NEK11: variants seen among roughly 807,000 people sequenced by gnomAD.
The protein encoded by NEK11 is serine/threonine-protein kinase Nek11.
A neutral mutation model predicts 80.7 loss-of-function variants in NEK11; 72 were observed. The ratio of observed to expected loss-of-function variants is 0.89; its 90% CI spans 0.74 to 1.08. The LOEUF (loss-of-function observed/expected upper bound fraction) is 1.08. Among genes scored for constraint, NEK11 ranks in the 50% least tolerant of loss-of-function variants. The pLI is 0.00. For missense variants in NEK11, 764 were observed against 763.6 expected, an observed-to-expected ratio of 1.00 and a Z score of -0.01; for synonymous variants, 251 against 260.7, an observed-to-expected ratio of 0.96 and a Z score of 0.36.
At position 131,137,731 on chromosome 3, in the gene NEK11, A is replaced by T. The variant is rs146080306; in HGVS notation, c.647+3775A>T. Among the ~76,000 whole-genome samples the T allele has an allele frequency of 2.6e-3, 396 of 152,332 alleles. 3 individuals are homozygous for T. Among genetic ancestry groups the T allele is most frequent in the African/African-American group, 9.1e-3 (379 of 41,556 alleles). Reference sequence around the variant, plus strand: ...GTACTAATTTGGCCTGATGAATTTTAAAAGGGTTAATAACATAGCTAATAA... The same window carrying T: ...GTACTAATTTGGCCTGATGAATTTTTAAAGGGTTAATAACATAGCTAATAA... On this transcript the variant is annotated intron_variant, in intron 7 of 17. Coordinates refer to ENST00000383366, the MANE Select transcript of NEK11 (RefSeq NM_024800.5).
intron 4 of NEK11, among the ~76,000 whole-genome samples, chr3:131,095,346 A>G (rs892270973): frequency 1.3e-5 from 2 of 152,136 alleles, no homozygotes; most frequent in Non-Finnish European, 2.9e-5. Flanking sequence ...AGTTCTTTCC[A>G]TGAATCCCCT....
rs938727627 is a variant in NEK11, at chr3:131,099,690, G to T, written c.337-10113G>T. Among the ~76,000 whole-genome samples the T allele has an allele frequency of 3.3e-5, 5 of 151,740 alleles. No individual in the cohort carries two copies. The East Asian group carries it at 9.7e-4, about 29-fold the overall frequency. On this transcript the variant is annotated intron_variant, in intron 4 of 17. Transcript: ENST00000383366. Reference sequence around the variant, plus strand: ...CCTTGTAGAGATCTTTCACCTCTATGGTTAGCTGTATTCCTGGGCATTTCA... The same window carrying T: ...CCTTGTAGAGATCTTTCACCTCTATTGTTAGCTGTATTCCTGGGCATTTCA...
intron 3 of NEK11, among the ~76,000 whole-genome samples, chr3:131,067,907 C>CG (rs1455887601): frequency 6.6e-6 from 1 of 152,182 alleles, no homozygotes; most frequent in African/African-American, 2.4e-5. Flanking sequence ...TTAAAACGGA[C>CG]GGTTTTGGGG....
intron 14 of NEK11, among the ~76,000 whole-genome samples, chr3:131,201,507 G>C (rs2094225709): frequency 6.6e-6 from 1 of 152,054 alleles, no homozygotes; most frequent in South Asian, 2.1e-4. Context: ...ACATATCTAG[G>C]GGAAATGTTC....
At chr3:131,052,422 A>T (rs2068587691) in intron 3 of NEK11, among the ~76,000 whole-genome samples, 2 of 152,216 alleles carry the variant, frequency 1.3e-5, no homozygotes, top group Admixed American at 1.3e-4. Context: ...ATAACATTTC[A>T]GAAATGTGCT....
chr3:131,087,014 G>A (rs962641099), intron 4 of NEK11, among the ~76,000 whole-genome samples: 3 of 151,902 alleles, frequency 2.0e-5, no homozygotes, highest in Non-Finnish European at 2.9e-5. Flanking sequence ...TTTTTATAGG[G>A]ATTTGAAATA....
intron 17 of NEK11, among the ~76,000 whole-genome samples, chr3:131,308,343 A>G (rs1005174784): frequency 6.6e-6 from 1 of 152,242 alleles, no homozygotes; most frequent in Non-Finnish European, 1.5e-5. Context: ...TTAATACAAT[A>G]AAACAGTTCT....
chr3:131,154,278 C>CAA (rs111639791), intron 9 of NEK11, among the ~76,000 whole-genome samples: 1 of 148,004 alleles, frequency 6.8e-6, no homozygotes. Flanking sequence ...TTTGAGCATT[C>CAA]AAAAAAAAAA....
At chr3:131,102,751 A>G (rs965584003) in intron 4 of NEK11, among the ~76,000 whole-genome samples, 12 of 152,322 alleles carry the variant, frequency 7.9e-5, no homozygotes, top group South Asian at 6.2e-4. Flanking sequence ...TTCATGGACT[A>G]TATCCTCAAA....
chr3:131,131,049 A>G (rs1578798408), intron 5 of NEK11, among the ~76,000 whole-genome samples: 1 of 152,130 alleles, frequency 6.6e-6, no homozygotes, highest in Non-Finnish European at 1.5e-5. Flanking sequence ...TGATCCACCC[A>G]CCTCGGCTTC....
chr3:131,263,895 G>T (rs1164264340), intron 16 of NEK11, among the ~76,000 whole-genome samples: 3 of 152,070 alleles, frequency 2.0e-5, no homozygotes, highest in Admixed American at 1.3e-4. Context: ...ACTTTTTAAT[G>T]ATCGCCATTC....
chr3:131,162,265 C>T, intron 10 of NEK11, 143 bp from the exon 11 acceptor site: 1 of 978,744 alleles, frequency 1.0e-6, no homozygotes, highest in East Asian at 2.5e-5. Context: ...TCATTACATA[C>T]CCAAAGCTTA....
At chr3:131,153,843 C>A (rs1283048379) in intron 9 of NEK11, among the ~76,000 whole-genome samples, 2 of 152,114 alleles carry the variant, frequency 1.3e-5, no homozygotes, top group Admixed American at 1.3e-4. Context: ...ATATGCCTAG[C>A]ACTGGGAAGA....
At chr3:131,124,481 C>T (rs922299902) in intron 5 of NEK11, among the ~76,000 whole-genome samples, 13 of 152,216 alleles carry the variant, frequency 8.5e-5, no homozygotes, top group Middle Eastern at 3.4e-3. Flanking sequence ...TCATATCCCC[C>T]TGCCACATTC....
In NEK11 at chr3:131,071,185, A is replaced by T. The variant is rs78248234; in HGVS notation, c.171-9238A>T. ...ATGTTATTATCAGCTCCCACGGGTA[A>T]TTCAGCTTCCAGATCAAAGCTATTC... On this transcript the variant is annotated intron_variant, in intron 3 of 17. Coordinates refer to ENST00000383366, the MANE Select transcript of NEK11 (RefSeq NM_024800.5). Among the ~76,000 whole-genome samples the T allele has an allele frequency of 4.6e-3, 701 of 152,296 alleles. 4 individuals are homozygous for T. Among genetic ancestry groups the T allele is most frequent in the African/African-American group, 0.015 (637 of 41,562 alleles).
intron 14 of NEK11, among the ~76,000 whole-genome samples, chr3:131,195,942 C>T (rs1390878297): frequency 1.3e-5 from 2 of 150,562 alleles, no homozygotes; most frequent in African/African-American, 2.4e-5. Context: ...AAAATGCGTC[C>T]GATAAATACT....
At chr3:131,254,409 A>G (rs1423213174) in intron 16 of NEK11, among the ~76,000 whole-genome samples, 1 of 152,202 alleles carries the variant, frequency 6.6e-6, no homozygotes, top group Non-Finnish European at 1.5e-5. Context: ...TGAAGAGCTT[A>G]AGCAAGGGAA....
chr3:131,085,708 A>G (rs369056869), intron 4 of NEK11, among the ~76,000 whole-genome samples: 3 of 152,194 alleles, frequency 2.0e-5, no homozygotes, highest in East Asian at 1.9e-4. Flanking sequence ...CCAGTACTTC[A>G]CCTTTAATTG....
intron 17 of NEK11, among the ~76,000 whole-genome samples, chr3:131,326,669 G>A (rs1158875950): frequency 6.6e-6 from 1 of 152,096 alleles, no homozygotes; most frequent in Non-Finnish European, 1.5e-5. Context: ...GGTGCTCTGG[G>A]CCCTGTGCTG....
Sources: allele counts gnomAD v4.1 joint callset (sites outside exome capture counted in the v4.1 genomes callset), GRCh38; gene constraint gnomAD v4.1.1; transcripts MANE v1.5; gene names NCBI Gene and HGNC (gene_info 2026-07-23, HGNC 2026-07-21).